DNAH14: variants seen among roughly 807,000 people sequenced by gnomAD.
DNAH14 encodes dynein axonemal heavy chain 14.
In DNAH14, 478 loss-of-function variants were observed where a neutral mutation model predicts 520.9. The ratio of observed to expected loss-of-function variants is 0.92; its 90% CI spans 0.85 to 0.99. The LOEUF is 0.99. DNAH14 is among the 50% of genes least tolerant of loss of function. DNAH14 has a pLI of 0.00. For synonymous variants in DNAH14, 1,581 were observed against 1,757.2 expected, an observed-to-expected ratio of 0.90 and a Z score of 2.51; for missense variants, 4,831 against 5,234.5, an observed-to-expected ratio of 0.92 and a Z score of 2.38.
At chr1:225,151,273 A>C (rs1038876524) in intron 31 of DNAH14, among the ~76,000 whole-genome samples, 1 of 151,824 alleles carries the variant, frequency 6.6e-6, no homozygotes, top group Non-Finnish European at 1.5e-5. Context: ...CCTCTCATGG[A>C]TTTTGTTCAA....
intron 36 of DNAH14, among the ~76,000 whole-genome samples, chr1:225,170,550 A>G (rs963166493): frequency 1.3e-5 from 2 of 152,220 alleles, no homozygotes; most frequent in Non-Finnish European, 2.9e-5. Context: ...AAAGGGATCA[A>G]TACAACAAGA....
intron 10 of DNAH14, among the ~76,000 whole-genome samples, chr1:225,018,254 T>A (rs1213436511): frequency 5.9e-5 from 9 of 152,002 alleles, no homozygotes; most frequent in Non-Finnish European, 1.0e-4. Context: ...CTACAAGAAT[T>A]TCAAAATATA....
intron 35 of DNAH14, among the ~76,000 whole-genome samples, chr1:225,167,536 T>C (rs898379817): frequency 5.3e-5 from 8 of 152,162 alleles, no homozygotes; most frequent in Admixed American, 1.3e-4. Flanking sequence ...AAAATAATCA[T>C]TACAAAATTG....
At chr1:224,955,629 T>G (rs2060463675) in intron 3 of DNAH14, among the ~76,000 whole-genome samples, 1 of 152,206 alleles carries the variant, frequency 6.6e-6, no homozygotes, top group Admixed American at 6.5e-5. Flanking sequence ...CTCACTTTTA[T>G]AAGCTTCCAG....
At chr1:225,222,830 C>T (rs927838917) in intron 41 of DNAH14, among the ~76,000 whole-genome samples, 2 of 152,126 alleles carry the variant, frequency 1.3e-5, no homozygotes, top group Admixed American at 1.3e-4. Flanking sequence ...TGTCCCATAA[C>T]CCATGGTTCC....
rs557430394 is a variant in DNAH14, at chr1:225,074,086, G to A, written c.2425-5121G>A. On this transcript the variant is annotated intron_variant, in intron 17 of 85. Coordinates refer to ENST00000682510, the MANE Select transcript of DNAH14 (RefSeq NM_001367479.1). ...GGGATCTCGGCTCACTGCAAGCTCC[G>A]CCTCCCGGGTTCACGCCATTCTCCT... 1.0e-4 allele frequency among the ~76,000 whole-genome samples: 13 copies of A among 127,128 alleles called. No individual in the cohort carries two copies. In the South Asian group the frequency reaches 2.0e-3, roughly 20 times the overall value. The allele number at this position is 127,128 out of a possible 152,430, so 83.4% of individuals were successfully genotyped here.
chr1:225,047,207 C>G (rs950355373), intron 15 of DNAH14, among the ~76,000 whole-genome samples: 1 of 152,174 alleles, frequency 6.6e-6, no homozygotes, highest in African/African-American at 2.4e-5. Context: ...TGAATTCATA[C>G]TGATACCTCA....
intron 34 of DNAH14, among the ~76,000 whole-genome samples, chr1:225,157,274 A>G (rs1293804459): frequency 6.6e-6 from 1 of 152,202 alleles, no homozygotes; most frequent in Non-Finnish European, 1.5e-5. Flanking sequence ...CTCCAAGTAT[A>G]CACTTAAAAG....
chr1:225,123,809 GT>G (rs1456632965), intron 27 of DNAH14, among the ~76,000 whole-genome samples, 195 bp downstream of exon 27: 3 of 151,960 alleles, frequency 2.0e-5, no homozygotes, highest in Non-Finnish European at 4.4e-5. Context: ...CTGGAGTGCA[GT>G]GGTACAATCT....
chr1:225,357,882 G>A, intron 73 of DNAH14: 1 of 700,438 alleles, frequency 1.4e-6, no homozygotes, highest in South Asian at 1.5e-5. Context: ...TAAGTGATTT[G>A]TATAAAACAG....
intron 4 of DNAH14, among the ~76,000 whole-genome samples, chr1:224,963,261 G>A (rs1274835067): frequency 1.3e-5 from 2 of 151,950 alleles, no homozygotes; most frequent in African/African-American, 4.8e-5. Context: ...CTTTTCTTGT[G>A]TATAAGTTGC....
chr1:225,044,581 T>G (rs1032780336), intron 15 of DNAH14, among the ~76,000 whole-genome samples: 6 of 152,268 alleles, frequency 3.9e-5, no homozygotes, highest in Admixed American at 2.6e-4. Flanking sequence ...AGTAATTCAG[T>G]CTTTTTCACT....
At chr1:225,222,238 G>C (rs1360584811) in intron 41 of DNAH14, among the ~76,000 whole-genome samples, 1 of 152,146 alleles carries the variant, frequency 6.6e-6, no homozygotes, top group African/African-American at 2.4e-5. Context: ...GTGCCCGCTT[G>C]GGATATCCAA....
chr1:225,167,897 A>G, intron 35 of DNAH14, 42 bp from the exon 36 acceptor site: 1 of 1,154,936 alleles, frequency 8.7e-7, no homozygotes, highest in Non-Finnish European at 1.2e-6. Flanking sequence ...TAAGAGTTTC[A>G]TTTGCAATGC....
chr1:225,170,459 G>A (rs1392128004), intron 36 of DNAH14, among the ~76,000 whole-genome samples: 1 of 152,014 alleles, frequency 6.6e-6, no homozygotes, highest in African/African-American at 2.4e-5. Flanking sequence ...AAAAGGCAGG[G>A]GTTGGAATCC....
At chr1:225,353,078 C>G in intron 72 of DNAH14, among the ~76,000 whole-genome samples, 1 of 151,964 alleles carries the variant, frequency 6.6e-6, no homozygotes, top group Non-Finnish European at 1.5e-5. Context: ...GTATCATGAA[C>G]TTTTTTTAAG....
At chr1:225,390,789 A>G (rs1162324450) in intron 83 of DNAH14, among the ~76,000 whole-genome samples, 1 of 152,172 alleles carries the variant, frequency 6.6e-6, no homozygotes, top group Admixed American at 6.5e-5. Flanking sequence ...TCTCATGACA[A>G]TCTTATGAGG....
At chr1:225,106,868 C>A (rs2076101373) in intron 23 of DNAH14, among the ~76,000 whole-genome samples, 1 of 152,192 alleles carries the variant, frequency 6.6e-6, no homozygotes, top group Non-Finnish European at 1.5e-5. Flanking sequence ...CTGAAACCTT[C>A]TTCTCTCAAC....
chr1:225,283,441 GA>G (rs71170070), intron 54 of DNAH14, among the ~76,000 whole-genome samples: 60,594 of 134,040 alleles, frequency 0.45, 12,428 homozygotes, highest in East Asian at 0.56. Flanking sequence ...AGACCAAAAA[GA>G]AAAAAAAAAA....
Sources: allele counts gnomAD v4.1 joint callset (sites outside exome capture counted in the v4.1 genomes callset), GRCh38; gene constraint gnomAD v4.1.1; transcripts MANE v1.5; gene names NCBI Gene and HGNC (gene_info 2026-07-23, HGNC 2026-07-21).